The following CNBD1 variants were observed in gnomAD, a reference collection of about 807,000 sequenced individuals.
CNBD1 encodes cyclic nucleotide-binding domain-containing protein 1.
A neutral mutation model predicts 54.4 loss-of-function variants in CNBD1; 71 were observed. That is an observed-to-expected ratio of 1.30 (90% CI 1.08 to 1.59). The LOEUF (loss-of-function observed/expected upper bound fraction) is 1.59, where lower values mean the gene tolerates loss of function less well. Ranked by LOEUF, CNBD1 falls within the 40% of genes most tolerant of loss-of-function variation. The probability of loss-of-function intolerance (pLI) is 0.00; values close to 1 mark genes in which losing one functional copy is unlikely to be tolerated. For missense variants in CNBD1, 659 were observed against 518.0 expected, an observed-to-expected ratio of 1.27 and a Z score of -2.64; for synonymous variants, 182 against 170.7, an observed-to-expected ratio of 1.07 and a Z score of -0.51.
rs116807567 is a variant in CNBD1, at chr8:87,158,006, C to T, written c.432-47987C>T. On this transcript the variant is annotated intron_variant, in intron 4 of 10. Transcript: ENST00000518476. ...ATATGAGTATGAGCAAGTTACTATA[C>T]TACTGATTCTTTTTTTAATGTCTAA... is the stretch of plus-strand genomic sequence containing the variant. 2.1e-3 allele frequency among the ~76,000 whole-genome samples: 321 copies of T among 152,102 alleles called. 2 individuals carry two copies. Among genetic ancestry groups the T allele is most frequent in the African/African-American group, 7.3e-3 (304 of 41,502 alleles).
At chr8:87,415,672 C>G (rs1011396924) in intron 2 of CNBD1, among the ~76,000 whole-genome samples, 1 of 151,818 alleles carries the variant, frequency 6.6e-6, no homozygotes, top group Non-Finnish European at 1.5e-5. Flanking sequence ...ATTTTCAAGA[C>G]AGCATTAATG....
At chr8:86,986,608 A>T (rs539176493) in intron 4 of CNBD1, among the ~76,000 whole-genome samples, 27 of 152,250 alleles carry the variant, frequency 1.8e-4, no homozygotes, top group Non-Finnish European at 3.5e-4. Flanking sequence ...TGAAAAGGAT[A>T]TTTCCTAAAT....
chr8:87,335,731 AT>A (rs1809932273), intron 8 of CNBD1, among the ~76,000 whole-genome samples: 1 of 152,114 alleles, frequency 6.6e-6, no homozygotes, highest in Non-Finnish European at 1.5e-5. Context: ...TTATGTGTGA[AT>A]TTTATCATGT....
At chr8:87,418,593 G>T (rs1311965483) in intron 2 of CNBD1, among the ~76,000 whole-genome samples, 2 of 151,794 alleles carry the variant, frequency 1.3e-5, no homozygotes, top group African/African-American at 2.4e-5. Context: ...AAAGGAAAAA[G>T]TATTCACAAA....
At chr8:86,960,927 C>G (rs1329034285) in intron 4 of CNBD1, among the ~76,000 whole-genome samples, 9 of 152,218 alleles carry the variant, frequency 5.9e-5, no homozygotes, top group Non-Finnish European at 1.0e-4. Context: ...AGGGTCCTGA[C>G]TGTTAGAAGG....
At chr8:87,193,642 G>T (rs1813655954) in intron 4 of CNBD1, among the ~76,000 whole-genome samples, 1 of 152,134 alleles carries the variant, frequency 6.6e-6, no homozygotes, top group African/African-American at 2.4e-5. Context: ...TTCCATGAAT[G>T]AAGTCTTTCT....
chr8:87,360,840 G>A (rs1810510997), intron 10 of CNBD1, among the ~76,000 whole-genome samples: 1 of 151,816 alleles, frequency 6.6e-6, no homozygotes, highest in African/African-American at 2.4e-5. Flanking sequence ...TTTTTAAAAA[G>A]GAAGAATGCC....
intron 4 of CNBD1, among the ~76,000 whole-genome samples, chr8:87,005,290 A>T (rs1809074559): frequency 6.6e-6 from 1 of 152,006 alleles, no homozygotes. Flanking sequence ...GAATGGCGTG[A>T]ACCCAGGAGG....
chr8:87,223,054 CTT>C (rs34784758), intron 5 of CNBD1, among the ~76,000 whole-genome samples: 46 of 137,998 alleles, frequency 3.3e-4, no homozygotes, highest in Non-Finnish European at 5.1e-4. Context: ...TCTGATTTTT[CTT>C]TTTTTTTTTT....
chr8:86,981,188 C>T (rs115548305), intron 4 of CNBD1, among the ~76,000 whole-genome samples: 3,744 of 152,264 alleles, frequency 0.025, 146 homozygotes, highest in African/African-American at 0.077. Context: ...CGTGCGCGCG[C>T]GCATTGTGTA....
intron 2 of CNBD1, among the ~76,000 whole-genome samples, chr8:87,389,861 C>T (rs574215996): frequency 6.6e-6 from 1 of 152,282 alleles, no homozygotes; most frequent in South Asian, 2.1e-4. Context: ...TACAAGGCTA[C>T]AGTAACCAAA....
At chr8:87,332,699 C>G (rs956365982) in intron 8 of CNBD1, among the ~76,000 whole-genome samples, 7 of 151,904 alleles carry the variant, frequency 4.6e-5, no homozygotes, top group Middle Eastern at 3.2e-3. Flanking sequence ...GATATGTGGT[C>G]TTATTTCTGA....
intron 2 of CNBD1, among the ~76,000 whole-genome samples, chr8:87,418,129 C>G (rs1013275607): frequency 6.6e-6 from 1 of 151,822 alleles, no homozygotes; most frequent in African/African-American, 2.4e-5. Flanking sequence ...ACAAAGAGCA[C>G]GCACACTTTC....
At chr8:87,048,450 A>C (rs757795901) in intron 4 of CNBD1, among the ~76,000 whole-genome samples, 16 of 152,172 alleles carry the variant, frequency 1.1e-4, no homozygotes, top group Non-Finnish European at 2.2e-4. Context: ...GAGCTTCCTC[A>C]GGTACCTCTT....
intron 4 of CNBD1, among the ~76,000 whole-genome samples, chr8:86,980,901 A>ACCACTGCTT (rs1357229808): frequency 1.3e-5 from 2 of 152,186 alleles, no homozygotes; most frequent in Non-Finnish European, 1.5e-5. Context: ...TCTTCTCTCA[A>ACCACTGCTT]CCACTGCTTC....
intron 4 of CNBD1, among the ~76,000 whole-genome samples, chr8:87,111,043 A>G (rs1001169942): frequency 5.3e-5 from 8 of 152,208 alleles, no homozygotes; most frequent in Non-Finnish European, 8.8e-5. Context: ...CTGGTAAAAT[A>G]AATTGAGATA....
chr8:87,003,383 T>C (rs1462082402), intron 4 of CNBD1, among the ~76,000 whole-genome samples: 2 of 152,186 alleles, frequency 1.3e-5, no homozygotes, highest in South Asian at 2.1e-4. Flanking sequence ...TATTTCATCA[T>C]GATGATAATA....
chr8:87,268,688 T>C (rs181833483), intron 6 of CNBD1, among the ~76,000 whole-genome samples: 24 of 152,296 alleles, frequency 1.6e-4, no homozygotes, highest in Middle Eastern at 6.8e-3. Context: ...TAATTAGTAA[T>C]GAGCATTTTA....
intron 3 of CNBD1, among the ~76,000 whole-genome samples, chr8:86,934,595 A>C (rs1586145313): frequency 6.6e-6 from 1 of 152,328 alleles, no homozygotes; most frequent in East Asian, 1.9e-4. Context: ...TTTCACCTTC[A>C]GTATAATATT....
Sources: gnomAD v4.1 joint callset for allele counts (sites outside exome capture counted in the v4.1 genomes callset) on GRCh38, gnomAD v4.1.1 for gene constraint, MANE v1.5 for transcripts, NCBI Gene and HGNC (gene_info 2026-07-23, HGNC 2026-07-21) for gene names.